DST: variants seen among roughly 807,000 people sequenced by gnomAD.
DST encodes the protein bullous pemphigoid antigen.
A neutral mutation model predicts 875.2 loss-of-function variants in DST; 253 were observed. That is an observed-to-expected ratio of 0.29 (90% CI 0.26 to 0.32). The LOEUF is 0.32. DST is among the 10% of genes least tolerant of loss of function. DST has a pLI of 1.00. For missense variants in DST, 8,287 were observed against 9,111.6 expected (o/e 0.91, Z 3.68); for synonymous variants, 3,124 against 3,197.1 (o/e 0.98, Z 0.77).
chr6:56,679,002 C>T (rs1189161426), intron 9 of DST, among the ~76,000 whole-genome samples: 1 of 152,196 alleles, frequency 6.6e-6, no homozygotes, highest in African/African-American at 2.4e-5. Context: ...TCCCTGGGCT[C>T]TCCCATGTAT....
intron 2 of DST, among the ~76,000 whole-genome samples, chr6:56,946,752 T>C (rs114715265): frequency 0.019 from 2,869 of 152,254 alleles, 89 homozygotes; most frequent in African/African-American, 0.065. Context: ...AAAAAGTCAC[T>C]GGCTGAAGGT....
intron 3 of DST, among the ~76,000 whole-genome samples, chr6:56,896,191 A>C (rs1169443005): frequency 6.6e-6 from 1 of 150,812 alleles, no homozygotes; most frequent in Admixed American, 6.6e-5. Context: ...TGTTTTCCAT[A>C]GTGGCTGATA....
intron 88 of DST, 101 bp downstream of exon 88, chr6:56,485,211 T>G: frequency 7.6e-7 from 1 of 1,309,508 alleles, no homozygotes; most frequent in Non-Finnish European, 1.1e-6. Flanking sequence ...TAGTATGATC[T>G]ATAGTCTTCT....
chr6:56,623,233 C>A (rs1029846003), intron 36 of DST, among the ~76,000 whole-genome samples: 1 of 151,956 alleles, frequency 6.6e-6, no homozygotes, highest in South Asian at 2.1e-4. Context: ...TCAGATAAAT[C>A]GAGTAAGTGG....
chr6:56,602,614 G>T (rs953735632), intron 43 of DST, among the ~76,000 whole-genome samples: 4 of 151,632 alleles, frequency 2.6e-5, no homozygotes, highest in Non-Finnish European at 4.4e-5. Context: ...ATATTTATGT[G>T]ACTAACACAT....
chr6:56,483,519 T>C (rs2095464884), intron 88 of DST: 1 of 143,940 alleles, frequency 6.9e-6, no homozygotes, highest in Non-Finnish European at 1.5e-5. Context: ...GAAAAGCTTC[T>C]GGGTTTGCTT....
intron 27 of DST, among the ~76,000 whole-genome samples, 162 bp from the exon 28 acceptor site, chr6:56,633,199 T>TTTG (rs1277868509): frequency 6.6e-6 from 1 of 151,502 alleles, no homozygotes; most frequent in African/African-American, 2.5e-5. Context: ...TAGGTGGTTT[T>TTTG]TTTTTGTTTT....
intron 94 of DST, among the ~76,000 whole-genome samples, 162 bp from the exon 95 acceptor site, chr6:56,471,430 T>C (rs746971987): frequency 2.3e-4 from 35 of 152,350 alleles, no homozygotes; most frequent in Non-Finnish European, 4.4e-4. Flanking sequence ...CATTTTGCCT[T>C]TAAAATGTAT....
At position 56,552,202 on chromosome 6, in the gene DST, C is replaced by T. The variant is rs767746151; in HGVS notation, c.16590G>A (p.Gln5530=). 4 of 1,610,464 alleles carry T rather than the reference C, an allele frequency of 2.5e-6. No homozygotes were observed. In the South Asian group the frequency reaches 4.4e-5, roughly 18 times the overall value. The part of the protein sequence containing the change: ...PVGMETETIN[Q]QLNMFKVFQK... Reference sequence around the variant, plus strand: ...TCCCTACCTTGAACATGTTAAGCTGCTGATTAATTGTCTCCGTTTCCATAC... The same window carrying T: ...TCCCTACCTTGAACATGTTAAGCTGTTGATTAATTGTCTCCGTTTCCATAC... The change falls in exon 61 of 104, where the codon CAG becomes CAA. Residue 5530 remains glutamine (Q), a synonymous_variant. Transcript: ENST00000680361.
intron 89 of DST, 102 bp from the exon 90 acceptor site, chr6:56,482,280 A>AAC (rs2095428147): frequency 3.0e-6 from 4 of 1,345,000 alleles, no homozygotes; most frequent in Non-Finnish European, 3.9e-6. Context: ...CAATGAAAAA[A>AAC]AAAAAGTTTT....
At chr6:56,780,626 G>A (rs183590504) in intron 4 of DST, among the ~76,000 whole-genome samples, 6,051 of 151,834 alleles carry the variant, frequency 0.04, 395 homozygotes, top group African/African-American at 0.14. Flanking sequence ...CTGGATATTA[G>A]CCCTTTGTCA....
chr6:56,649,429 A>G (rs1168318467), intron 12 of DST, among the ~76,000 whole-genome samples: 2 of 152,240 alleles, frequency 1.3e-5, no homozygotes, highest in East Asian at 3.8e-4. Context: ...TTAAGTGTTG[A>G]AATGTTGAAA....
intron 9 of DST, among the ~76,000 whole-genome samples, chr6:56,681,904 C>T (rs2099159135): frequency 6.6e-6 from 1 of 152,174 alleles, no homozygotes; most frequent in Non-Finnish European, 1.5e-5. Context: ...ATGCAGCCCC[C>T]AACCAATCCA....
intron 3 of DST, among the ~76,000 whole-genome samples, chr6:56,873,125 C>T (rs538733713): frequency 5.1e-4 from 77 of 152,170 alleles, no homozygotes; most frequent in Non-Finnish European, 8.5e-4. Flanking sequence ...TATACCTGTT[C>T]GTCATTTGTA....
intron 5 of DST, among the ~76,000 whole-genome samples, chr6:56,732,831 C>T (rs780176640): frequency 1.3e-5 from 2 of 152,188 alleles, no homozygotes; most frequent in Non-Finnish European, 2.9e-5. Context: ...TATTGCAGTG[C>T]TCAAAGAAGT....
Position 56,593,886 on chromosome 6 carries a change from T to C in DST, c.12503A>G (p.Asn4168Ser), listed in dbSNP as rs777663362. ...CCTCTTCAATTTGGTCATTAAACCA[T>C]TGATGTCATCTGCACCTGCCTCCAG... ...ENLEAGADDI[N>S]GLMTKLKRQK... is the part of the protein sequence containing the mutation. Residue 4168 changes from asparagine to serine, a missense_variant, in exon 48 of 104, where the codon AAT becomes AGT. By Grantham distance (46) the Asn-to-Ser change is conservative. Coordinates refer to ENST00000680361, the MANE Select transcript of DST (RefSeq NM_001374736.1). 2 of 1,614,002 alleles carry C rather than the reference T, an allele frequency of 1.2e-6. No individual in the cohort carries two copies.
chr6:56,607,440 A>G lies in DST; in HGVS notation c.7188T>C (p.Asp2396=), dbSNP rs371682799. ...HSKNIQNFPS[D]LIENPIMKSK... ...ATTTCATAATAGGATTTTCTATTAA[A>G]TCACTTGGAAAGTTTTGAATGTTTT... The change falls in exon 40 of 104, where the codon GAT becomes GAC. Residue 2396 remains aspartate (D), a synonymous_variant. Coordinates refer to ENST00000680361, the MANE Select transcript of DST (RefSeq NM_001374736.1). The G allele has an allele frequency of 6.2e-6, 10 of 1,607,366 alleles. No individual in the cohort carries two copies. In the African/African-American group the frequency reaches 1.3e-4, roughly 21 times the overall value.
At chr6:56,762,114 G>A (rs766782746) in intron 4 of DST, among the ~76,000 whole-genome samples, 3 of 151,834 alleles carry the variant, frequency 2.0e-5, no homozygotes, top group Non-Finnish European at 2.9e-5. Context: ...TCCACCTCCC[G>A]GGCTCAAGCA....
At chr6:56,670,285 G>A (rs1019135535) in intron 10 of DST, among the ~76,000 whole-genome samples, 8 of 151,914 alleles carry the variant, frequency 5.3e-5, no homozygotes, top group Non-Finnish European at 1.0e-4. Flanking sequence ...CTGCAGTGCA[G>A]TCACATGATC....
Sources: gnomAD v4.1 joint callset for allele counts (sites outside exome capture counted in the v4.1 genomes callset) on GRCh38, gnomAD v4.1.1 for gene constraint, MANE v1.5 for transcripts, NCBI Gene and HGNC (gene_info 2026-07-23, HGNC 2026-07-21) for gene names.